The following C9orf85 variants were observed in gnomAD, a reference collection of about 807,000 sequenced individuals.
The protein encoded by C9orf85 is chromosome 9 open reading frame 85.
A neutral mutation model predicts 14.9 loss-of-function variants in C9orf85; 16 were observed. That is an observed-to-expected ratio of 1.08 (90% CI 0.73 to 1.63). The LOEUF is 1.63. C9orf85 is among the 40% of genes most tolerant of loss of function. The probability of loss-of-function intolerance (pLI) is 0.00; values close to 1 mark genes in which losing one functional copy is unlikely to be tolerated. For missense variants in C9orf85, 172 were observed against 186.1 expected (o/e 0.92, Z 0.44); for synonymous variants, 45 against 56.8 (o/e 0.79, Z 0.93).
chr9:71,958,892 T>A lies in C9orf85; in HGVS notation c.209+11780T>A, dbSNP rs890400317. Among the ~76,000 whole-genome samples, 5 of 152,308 alleles carry A rather than the reference T, an allele frequency of 3.3e-5. No individual in the cohort carries two copies. The East Asian group carries it at 9.7e-4, about 29-fold the overall frequency. On this transcript the variant is annotated intron_variant, in intron 2 of 3. Transcript: ENST00000334731. ...TTCTTTCTATAACCTCAAGATATTA[T>A]ATAAGTTTCTGAAACTGTTGAGAAC...
At chr9:71,946,879 CAT>C (rs1409512573) in intron 1 of C9orf85, 125 bp from the exon 2 acceptor site, 7 of 539,340 alleles carry the variant, frequency 1.3e-5, no homozygotes, top group East Asian at 3.0e-5. Context: ...CATAATATAT[CAT>C]AAATTGTTAT....
chr9:71,942,572 T>G (rs911413617), intron 1 of C9orf85, among the ~76,000 whole-genome samples: 1 of 152,110 alleles, frequency 6.6e-6, no homozygotes, highest in Non-Finnish European at 1.5e-5. Context: ...CTAGCCATAT[T>G]TAAAGGAATT....
At chr9:71,940,977 T>C (rs1699004341) in intron 1 of C9orf85, among the ~76,000 whole-genome samples, 1 of 152,204 alleles carries the variant, frequency 6.6e-6, no homozygotes, top group South Asian at 2.1e-4. Flanking sequence ...AAATCATTAT[T>C]ACCTGGGAGG....
In C9orf85 at chr9:71,967,412, C is replaced by A. The variant is rs368198845; in HGVS notation, c.210-4093C>A. On this transcript the variant is annotated intron_variant, in intron 2 of 3. Transcript: ENST00000334731. ...CAGTACTACACTACCTTGATCACTA[C>A]CTTGTGATAAGTCTTGAAATCACAT... Among the ~76,000 whole-genome samples the A allele has an allele frequency of 1.2e-3, 188 of 152,336 alleles. 1 individual carries two copies. The highest frequency in any genetic ancestry group is 2.9e-3 in the South Asian group (14 of 4,834).
At chr9:71,943,685 G>T (rs1307882935) in intron 1 of C9orf85, among the ~76,000 whole-genome samples, 1 of 151,790 alleles carries the variant, frequency 6.6e-6, no homozygotes, top group Non-Finnish European at 1.5e-5. Context: ...TAGGATTACA[G>T]GCATGCGCCA....
At chr9:71,922,228 C>T (rs371844967) in intron 1 of C9orf85, among the ~76,000 whole-genome samples, 2 of 152,036 alleles carry the variant, frequency 1.3e-5, no homozygotes, top group African/African-American at 2.4e-5. Context: ...CATGAGCCAC[C>T]GTGCCTGGCT....
In C9orf85 at chr9:71,935,495, T is replaced by C. The variant is rs1828167170; in HGVS notation, c.103-11511T>C. On this transcript the variant is annotated intron_variant, in intron 1 of 3. Transcript: ENST00000334731. ...CTTAAGGACATTATGCTAAGTGAAATAAGCCAGTCACAAAAAGCCAGGCGC... is the reference window on the plus strand; with the variant it reads ...CTTAAGGACATTATGCTAAGTGAAACAAGCCAGTCACAAAAAGCCAGGCGC... Among the ~76,000 whole-genome samples the C allele has an allele frequency of 2.6e-5, 4 of 151,936 alleles. No homozygotes were observed. The South Asian group carries it at 8.3e-4, about 32-fold the overall frequency.
chr9:71,981,894 C>G (rs1470200379), intron 3 of C9orf85, among the ~76,000 whole-genome samples: 1 of 152,052 alleles, frequency 6.6e-6, no homozygotes, highest in Non-Finnish European at 1.5e-5. Flanking sequence ...TTTTAAAATG[C>G]TTTATCGAGG....
At position 71,911,790 on chromosome 9, in the gene C9orf85, C is replaced by G. The variant is rs1175712243; in HGVS notation, c.56C>G (p.Thr19Arg). Residue 19 changes from threonine to arginine, a missense_variant, in exon 1 of 4, where the codon ACG (threonine) becomes AGG (arginine). Physicochemically the swap from Thr to Arg is moderately conservative, Grantham distance 71 (BLOSUM62 -1). Transcript: ENST00000334731. ...ARSRPQKHQN[T>R]FSFKNDKFDK... ...TCCAGACCTCAGAAGCACCAGAATA[C>G]GTTTAGCTTCAAAAATGACAAGTTC... 1 of 1,613,974 alleles carries G rather than the reference C, an allele frequency of 6.2e-7. No homozygotes were observed. Among genetic ancestry groups the G allele is most frequent in the African/African-American group, 1.3e-5 (1 of 74,898 alleles).
At chr9:71,946,146 G>C (rs1457179671) in intron 1 of C9orf85, among the ~76,000 whole-genome samples, 1 of 152,100 alleles carries the variant, frequency 6.6e-6, no homozygotes, top group Non-Finnish European at 1.5e-5. Flanking sequence ...AAGTTAGTAG[G>C]GGGAACTTTT....
chr9:71,940,674 TTTC>T (rs1478854506), intron 1 of C9orf85, among the ~76,000 whole-genome samples: 1 of 152,164 alleles, frequency 6.6e-6, no homozygotes, highest in Non-Finnish European at 1.5e-5. Context: ...AAACTAATAG[TTTC>T]TTATAAAATT....
At chr9:71,921,920 ATTTTTT>A (rs148538016) in intron 1 of C9orf85, among the ~76,000 whole-genome samples, 69,243 of 146,476 alleles carry the variant, frequency 0.47, 17,007 homozygotes, top group Admixed American at 0.59. Flanking sequence ...TTGGCTTTTT[ATTTTTT>A]TTTTATTATT....
chr9:71,920,906 G>T (rs1827784842), intron 1 of C9orf85, among the ~76,000 whole-genome samples: 1 of 152,108 alleles, frequency 6.6e-6, no homozygotes, highest in Admixed American at 6.5e-5. Context: ...TTTCAGCCAA[G>T]GGGACCTCAA....
chr9:71,954,268 T>G (rs1822324305), intron 2 of C9orf85, among the ~76,000 whole-genome samples: 7 of 140,506 alleles, frequency 5.0e-5, no homozygotes, highest in South Asian at 2.7e-4. Context: ...GCTGGGGGGA[T>G]TGGTTGGTCG....
At chr9:71,953,438 T>C (rs1822298225) in intron 2 of C9orf85, among the ~76,000 whole-genome samples, 1 of 152,174 alleles carries the variant, frequency 6.6e-6, no homozygotes, top group Non-Finnish European at 1.5e-5. Flanking sequence ...TAAAAATATT[T>C]CAAGTGAAGG....
At chr9:71,971,948 T>G (rs1490862494) in intron 3 of C9orf85, among the ~76,000 whole-genome samples, 1 of 133,324 alleles carries the variant, frequency 7.5e-6, no homozygotes, top group African/African-American at 2.9e-5. Context: ...CACTCCAGCC[T>G]GGGTAACATA....
At chr9:71,978,170 CG>C (rs1391464506), downstream of C9orf85, among the ~76,000 whole-genome samples, 2 of 152,156 alleles carry the variant, frequency 1.3e-5, no homozygotes, top group Admixed American at 1.3e-4. Flanking sequence ...AGTGCAGTGG[CG>C]CGATCTCAGC....
chr9:71,939,692 A>C (rs1425641336), intron 1 of C9orf85, among the ~76,000 whole-genome samples: 2 of 152,200 alleles, frequency 1.3e-5, no homozygotes, highest in Non-Finnish European at 2.9e-5. Flanking sequence ...GGAAGAATTG[A>C]AGTACTGATT....
intron 1 of C9orf85, among the ~76,000 whole-genome samples, chr9:71,932,557 C>T (rs1480562238): frequency 1.3e-5 from 2 of 152,140 alleles, no homozygotes; most frequent in African/African-American, 4.8e-5. Flanking sequence ...TAATCATTTT[C>T]TGTGTAACCA....
Sources: gnomAD v4.1 joint callset for allele counts (sites outside exome capture counted in the v4.1 genomes callset) on GRCh38, gnomAD v4.1.1 for gene constraint, MANE v1.5 for transcripts, NCBI Gene and HGNC (gene_info 2026-07-23, HGNC 2026-07-21) for gene names.